The following RORA variants were observed in gnomAD, a reference collection of about 807,000 sequenced individuals.
The protein encoded by RORA is nuclear receptor ROR-alpha.
In RORA, 7 loss-of-function variants were observed where a neutral mutation model predicts 69.5. The ratio of observed to expected loss-of-function variants is 0.10; its 90% CI spans 0.06 to 0.19. RORA has a LOEUF of 0.19. Among genes scored for constraint, RORA ranks in the 10% least tolerant of loss-of-function variants. The probability of loss-of-function intolerance (pLI) is 1.00; values close to 1 mark genes in which losing one functional copy is unlikely to be tolerated. For missense variants in RORA, 457 were observed against 663.0 expected (o/e 0.69, Z 3.41); for synonymous variants, 261 against 240.8 (o/e 1.08, Z -0.78).
intron 1 of RORA, among the ~76,000 whole-genome samples, chr15:60,854,402 C>T (rs2140417727): frequency 6.6e-6 from 1 of 152,262 alleles, no homozygotes; most frequent in East Asian, 1.9e-4. Flanking sequence ...AATCTCTACT[C>T]CTATCCACTC....
intron 5 of RORA, among the ~76,000 whole-genome samples, chr15:60,507,923 A>T (rs564353086): frequency 6.6e-6 from 1 of 152,102 alleles, no homozygotes; most frequent in African/African-American, 2.4e-5. Context: ...ACTTATCCCT[A>T]CCTATTTAAA....
At chr15:60,856,490 C>CTTTTTTTT (rs34150883) in intron 1 of RORA, among the ~76,000 whole-genome samples, 2 of 148,680 alleles carry the variant, frequency 1.3e-5, no homozygotes, top group Non-Finnish European at 1.5e-5. Flanking sequence ...AATCACTGAC[C>CTTTTTTTT]TTTTTTTTTT....
chr15:60,582,684 G>T (rs550309156), intron 2 of RORA, among the ~76,000 whole-genome samples: 1 of 152,326 alleles, frequency 6.6e-6, no homozygotes, highest in South Asian at 2.1e-4. Flanking sequence ...CAATACTTGA[G>T]CTCTACACCT....
intron 1 of RORA, among the ~76,000 whole-genome samples, chr15:61,025,550 A>G (rs1181141353): frequency 6.6e-6 from 1 of 152,210 alleles, no homozygotes; most frequent in Non-Finnish European, 1.5e-5. Context: ...CTTTGTGACT[A>G]AGGATAGAAG....
rs2065007662 is a variant in RORA at position 60,489,519 on chromosome 15, C to A, written c.*7936G>T. Reference sequence around the variant, plus strand: ...CATCCTTAGTTAGATATTTGATAAACTTTGCTTTTCAATAATGCCAGTAGA... The same window carrying A: ...CATCCTTAGTTAGATATTTGATAAAATTTGCTTTTCAATAATGCCAGTAGA... On this transcript the variant is annotated 3_prime_UTR_variant, in exon 11 of 11. Transcript: ENST00000335670. 6.6e-6 allele frequency: 1 copy of A among 152,158 alleles called. No individual in the cohort carries two copies. The highest frequency in any genetic ancestry group is 1.5e-5 in the Non-Finnish European group (1 of 68,028). The allele number at this position is 152,158 out of a possible 1,614,324, so 9.4% of individuals were successfully genotyped here.
At chr15:60,696,837 G>A (rs767991819) in intron 1 of RORA, among the ~76,000 whole-genome samples, 3 of 152,172 alleles carry the variant, frequency 2.0e-5, no homozygotes, top group Non-Finnish European at 2.9e-5. Context: ...ACGCTGAGGT[G>A]AGGCCAGAGC....
intron 1 of RORA, among the ~76,000 whole-genome samples, chr15:61,103,064 G>T (rs771757077): frequency 4.6e-5 from 7 of 152,216 alleles, no homozygotes; most frequent in Non-Finnish European, 5.9e-5. Context: ...ATTCAGACAC[G>T]TTCCTATCTC....
chr15:60,718,695 T>A (rs1273324698), intron 1 of RORA, among the ~76,000 whole-genome samples: 1 of 152,172 alleles, frequency 6.6e-6, no homozygotes, highest in Non-Finnish European at 1.5e-5. Flanking sequence ...CATCTAACCA[T>A]CCATGTCTTG....
chr15:60,893,519 C>T (rs1260517522), intron 1 of RORA, among the ~76,000 whole-genome samples: 1 of 152,236 alleles, frequency 6.6e-6, no homozygotes, highest in African/African-American at 2.4e-5. Context: ...CCTTACCCCT[C>T]CACAAGAAAT....
intron 2 of RORA, among the ~76,000 whole-genome samples, chr15:60,663,270 A>G (rs1039660152): frequency 1.3e-5 from 2 of 152,204 alleles, no homozygotes; most frequent in African/African-American, 2.4e-5. Context: ...ATTTAAGGAT[A>G]CTTTAGTGGA....
chr15:61,060,283 A>T (rs978379793), intron 1 of RORA, among the ~76,000 whole-genome samples: 1 of 152,264 alleles, frequency 6.6e-6, no homozygotes, highest in Non-Finnish European at 1.5e-5. Flanking sequence ...CCTGGCAAAC[A>T]TGTCCCTGGT....
chr15:61,019,058 T>A (rs1368321624), intron 1 of RORA, among the ~76,000 whole-genome samples: 1 of 152,220 alleles, frequency 6.6e-6, no homozygotes, highest in Non-Finnish European at 1.5e-5. Context: ...TCTTTTTTAG[T>A]TCTGCTAAGA....
chr15:61,147,727 A>C lies in RORA; in HGVS notation c.166+81326T>G, dbSNP rs1378599881. On this transcript the variant is annotated intron_variant, in intron 1 of 10. Coordinates refer to ENST00000335670, the MANE Select transcript of RORA (RefSeq NM_134261.3). This position sits in a 1 kb window ranked among gnomAD's most constrained non-coding sequence, Gnocchi z 4.1. ...GGAGTTAACCCATGACTTCAGTCCT[A>C]AAAGAAAGGTTGATGGTCAGTAGGC... is the stretch of plus-strand genomic sequence containing the variant. Among the ~76,000 whole-genome samples, 3 of 151,450 alleles carry C rather than the reference A, an allele frequency of 2.0e-5. No individual in the cohort carries two copies. The highest frequency in any genetic ancestry group is 4.4e-5 in the Non-Finnish European group (3 of 67,896).
intron 1 of RORA, among the ~76,000 whole-genome samples, chr15:61,149,403 A>G (rs1420371853): frequency 6.6e-6 from 1 of 152,180 alleles, no homozygotes; most frequent in Non-Finnish European, 1.5e-5. Flanking sequence ...AACTCATCAG[A>G]CAAGTTTCTC....
intron 1 of RORA, among the ~76,000 whole-genome samples, chr15:61,005,585 CTT>C (rs776465664): frequency 2.6e-5 from 4 of 151,300 alleles, no homozygotes; most frequent in Non-Finnish European, 5.9e-5. Flanking sequence ...CTCTCTCTCT[CTT>C]TCTCTATAAT....
At chr15:60,766,058 G>A (rs144520649) in intron 1 of RORA, among the ~76,000 whole-genome samples, 42 of 152,244 alleles carry the variant, frequency 2.8e-4, no homozygotes, top group African/African-American at 8.9e-4. Context: ...TATTTATTAC[G>A]CATAGAAAGC....
chr15:60,690,085 G>A (rs149858331), intron 1 of RORA, among the ~76,000 whole-genome samples: 181 of 152,298 alleles, frequency 1.2e-3, no homozygotes, highest in African/African-American at 4.2e-3. Flanking sequence ...AAAGGTCCAG[G>A]AAATGTTATG....
At chr15:61,099,111 C>T (rs1318001106) in intron 1 of RORA, among the ~76,000 whole-genome samples, 1 of 152,180 alleles carries the variant, frequency 6.6e-6, no homozygotes, top group Non-Finnish European at 1.5e-5. Context: ...AAATTTTTAT[C>T]TTTCACGTAT....
intron 1 of RORA, among the ~76,000 whole-genome samples, chr15:60,971,737 G>A (rs1438024607): frequency 6.6e-6 from 1 of 152,218 alleles, no homozygotes; most frequent in East Asian, 1.9e-4. Context: ...GAAAGACCCT[G>A]CGGAGGTGTT....
Sources: allele counts gnomAD v4.1 joint callset (sites outside exome capture counted in the v4.1 genomes callset), GRCh38; gene constraint gnomAD v4.1.1; non-coding constraint Gnocchi (gnomAD v3.1); transcripts MANE v1.5; gene names NCBI Gene and HGNC (gene_info 2026-07-23, HGNC 2026-07-21).